The following KCNMA1 variants were observed in gnomAD, a reference collection of about 807,000 sequenced individuals.
The protein encoded by KCNMA1 is potassium calcium-activated channel subfamily M alpha 1.
In KCNMA1, 29 loss-of-function variants were observed where a neutral mutation model predicts 140.0. The observed-to-expected ratio is 0.21, with a 90% confidence interval of 0.15 to 0.28. KCNMA1 has a LOEUF of 0.28. Ranked by LOEUF, KCNMA1 falls within the 10% of genes least tolerant of loss-of-function variation. The pLI is 1.00. For synonymous variants in KCNMA1, 612 were observed against 611.9 expected, an observed-to-expected ratio of 1.00 and a Z score of 0.00; for missense variants, 880 against 1,602.2, an observed-to-expected ratio of 0.55 and a Z score of 7.70.
At chr10:76,911,077 G>A (rs1480336864) in intron 24 of KCNMA1, 1 of 152,132 alleles carries the variant, frequency 6.6e-6, no homozygotes, top group South Asian at 2.1e-4. Context: ...TAATTATTGT[G>A]ATTTTAGGAA....
rs2097839174 is a variant in KCNMA1, at chr10:77,130,527, C to T, written c.809-9479G>A. ...TCTAATATCACTAAGATCATAGATG[C>T]CAAAATTCTGTATATAATACCAACA... On this transcript the variant is annotated intron_variant, in intron 5 of 27. Transcript: ENST00000286628. Among the ~76,000 whole-genome samples, 3 of 152,104 alleles carry T rather than the reference C, an allele frequency of 2.0e-5. No homozygotes were observed. In the South Asian group the frequency reaches 6.2e-4, roughly 32 times the overall value.
intron 19 of KCNMA1, among the ~76,000 whole-genome samples, chr10:76,984,922 C>T (rs1373031808): frequency 6.6e-6 from 1 of 152,114 alleles, no homozygotes; most frequent in Non-Finnish European, 1.5e-5. Context: ...AGACAATCTG[C>T]AAGAGAAAAG....
rs139326667 is a variant in KCNMA1, at chr10:77,633,250, G to A, written c.378+4015C>T. Among the ~76,000 whole-genome samples, 58 of 152,288 alleles carry A rather than the reference G, an allele frequency of 3.8e-4. 1 individual carries two copies. In the East Asian group the frequency reaches 0.011, roughly 29 times the overall value. ...GAATTGCTTGAACCCAGGAGGCGCA[G>A]GCTGCAGTGAGCCAAGATCGTGCCG... On this transcript the variant is annotated intron_variant, in intron 1 of 27. Coordinates refer to ENST00000286628, the MANE Select transcript of KCNMA1 (RefSeq NM_001161352.2).
At chr10:77,579,902 C>G (rs552406488) in intron 1 of KCNMA1, among the ~76,000 whole-genome samples, 11 of 152,270 alleles carry the variant, frequency 7.2e-5, no homozygotes, top group South Asian at 6.2e-4. Context: ...CTTCCATGAA[C>G]AGCAATTGAA....
chr10:77,561,937 G>C (rs961562436), intron 1 of KCNMA1, among the ~76,000 whole-genome samples: 1 of 152,128 alleles, frequency 6.6e-6, no homozygotes, highest in African/African-American at 2.4e-5. Flanking sequence ...CATGTTTCGG[G>C]GCTGGAAAGA....
intron 25 of KCNMA1, among the ~76,000 whole-genome samples, chr10:76,899,283 T>C (rs1451453699): frequency 6.6e-6 from 1 of 152,176 alleles, no homozygotes; most frequent in Non-Finnish European, 1.5e-5. Flanking sequence ...GATAAAATTA[T>C]GCTAAATTTC....
At chr10:77,431,577 G>C (rs936355649) in intron 1 of KCNMA1, among the ~76,000 whole-genome samples, 1 of 149,720 alleles carries the variant, frequency 6.7e-6, no homozygotes, top group African/African-American at 2.5e-5. Context: ...GCAGCTTGCA[G>C]ACCACTGAGT....
At chr10:76,939,643 G>A (rs2152808476) in intron 23 of KCNMA1, 1 of 152,300 alleles carries the variant, frequency 6.6e-6, no homozygotes, top group East Asian at 1.9e-4. Context: ...CTGATGCATG[G>A]AGAACAGCCA....
intron 19 of KCNMA1, among the ~76,000 whole-genome samples, chr10:77,000,344 C>T (rs1593206739): frequency 6.6e-6 from 1 of 152,306 alleles, no homozygotes; most frequent in African/African-American, 2.4e-5. Context: ...GCCTTTTCTG[C>T]ACTTGGACCA....
intron 5 of KCNMA1, among the ~76,000 whole-genome samples, chr10:77,123,023 CAA>C (rs1327676873): frequency 6.7e-6 from 1 of 149,602 alleles, no homozygotes; most frequent in East Asian, 2.0e-4. Context: ...CTAAAAAACA[CAA>C]AAAAATTAGC....
At chr10:77,234,936 G>T (rs573082684) in intron 3 of KCNMA1, among the ~76,000 whole-genome samples, 1 of 152,322 alleles carries the variant, frequency 6.6e-6, no homozygotes, top group African/African-American at 2.4e-5. Flanking sequence ...GTTAAGAAAT[G>T]TGGCCCAGAA....
chr10:77,298,334 C>T (rs973130929), intron 2 of KCNMA1, among the ~76,000 whole-genome samples: 1 of 151,492 alleles, frequency 6.6e-6, no homozygotes, highest in South Asian at 2.1e-4. Flanking sequence ...CCTCCACCTC[C>T]TGGGCTCAAG....
chr10:77,161,348 AGCGAT>A (rs1378888553), intron 5 of KCNMA1, among the ~76,000 whole-genome samples: 1 of 152,072 alleles, frequency 6.6e-6, no homozygotes, highest in Non-Finnish European at 1.5e-5. Context: ...CTTTGCCTCA[AGCGAT>A]CCTCCTGCCT....
chr10:77,065,702 A>G (rs556490417), intron 14 of KCNMA1, among the ~76,000 whole-genome samples: 82 of 152,308 alleles, frequency 5.4e-4, no homozygotes, highest in African/African-American at 1.9e-3. Context: ...TTGTTAATCT[A>G]GGTCCTGGTT....
At chr10:77,063,629 A>G (rs893992737) in intron 14 of KCNMA1, 140 of 616,794 alleles carry the variant, frequency 2.3e-4, no homozygotes, top group Non-Finnish European at 2.7e-4. Context: ...TTCTGGACAC[A>G]GATTCACACT....
intron 2 of KCNMA1, among the ~76,000 whole-genome samples, chr10:77,267,371 C>T (rs2063731897): frequency 6.6e-6 from 1 of 152,176 alleles, no homozygotes; most frequent in Non-Finnish European, 1.5e-5. Context: ...CTTAAATGCC[C>T]TGTATAAGAG....
chr10:77,371,417 G>A (rs529342931), intron 2 of KCNMA1, among the ~76,000 whole-genome samples: 129 of 152,092 alleles, frequency 8.5e-4, no homozygotes, highest in Middle Eastern at 3.2e-3. Flanking sequence ...AGCCCCACAA[G>A]TTTCCCCCCA....
intron 2 of KCNMA1, among the ~76,000 whole-genome samples, chr10:77,364,057 A>G (rs2094178475): frequency 6.6e-6 from 1 of 152,222 alleles, no homozygotes; most frequent in African/African-American, 2.4e-5. Context: ...CCTTTGTTGA[A>G]TAAATGTGTC....
At chr10:77,148,414 A>G (rs547580355) in intron 5 of KCNMA1, 1 of 152,240 alleles carries the variant, frequency 6.6e-6, no homozygotes, top group Non-Finnish European at 1.5e-5. Flanking sequence ...GACAGAAAGC[A>G]TAACACTGAA....
Sources: gnomAD v4.1 joint callset for allele counts (sites outside exome capture counted in the v4.1 genomes callset) on GRCh38, gnomAD v4.1.1 for gene constraint, MANE v1.5 for transcripts, NCBI Gene and HGNC (gene_info 2026-07-23, HGNC 2026-07-21) for gene names.